The following CSNK1E variants were observed in gnomAD, a reference collection of about 807,000 sequenced individuals.
CSNK1E encodes casein kinase I isoform epsilon.
CSNK1E carries 17 observed loss-of-function variants against 46.1 expected under a neutral mutation model. The observed-to-expected ratio is 0.37, with a 90% CI of 0.25 to 0.55. The LOEUF (loss-of-function observed/expected upper bound fraction) is 0.55, where lower values mean the gene tolerates loss of function less well. Among genes scored for constraint, CSNK1E ranks in the 20% least tolerant of loss-of-function variants. The pLI, the probability that CSNK1E is intolerant of heterozygous loss-of-function variation, is 0.82. For missense variants in CSNK1E, 386 were observed against 595.4 expected (o/e 0.65, Z 3.66); for synonymous variants, 241 against 242.6 (o/e 0.99, Z 0.06).
chr22:38,310,794 C>A (rs1344938622), intron 2 of CSNK1E, among the ~76,000 whole-genome samples: 1 of 152,216 alleles, frequency 6.6e-6, no homozygotes, highest in Non-Finnish European at 1.5e-5. Flanking sequence ...CTCGGGTGAT[C>A]CTGGAAAGCA....
Position 38,303,115 on chromosome 22 carries a change from G to GCCGCCGCCCACCCTGCGCTCA in CSNK1E, c.187+2_187+22dup, listed in dbSNP as rs2092682196. On this transcript the variant is annotated intron_variant, in intron 3 of 10. Transcript: ENST00000396832. This position sits in a 1 kb window ranked among gnomAD's most constrained non-coding sequence, Gnocchi z 4.7. ...GCCCACCGCCACCCACCCGGCGCCC[G>GCCGCCGCCCACCCTGCGCTCA]CCGCCGCCCACCCTGCGCTCACCGC... 6.2e-6 allele frequency: 5 copies of GCCGCCGCCCACCCTGCGCTCA among 812,146 alleles called. No homozygotes were observed. In the Admixed American group the frequency reaches 7.8e-5, roughly 13 times the overall value. 50.3% of individuals were successfully genotyped at this position (812,146 alleles called of 1,614,324 possible).
rs2092627652 is a variant in CSNK1E, at chr22:38,294,255, G to A, written c.1079-7C>T. The A allele has an allele frequency of 6.2e-7, 1 of 1,610,796 alleles. No homozygotes were observed. The highest frequency in any genetic ancestry group is 8.5e-7 in the Non-Finnish European group (1 of 1,179,366). ...GCTCTGGGAGAAGTATTGCCTGGAGGGAGAGTGGGAAGCCACCCTCAGAGT... is the reference window on the plus strand; with the variant it reads ...GCTCTGGGAGAAGTATTGCCTGGAGAGAGAGTGGGAAGCCACCCTCAGAGT... On this transcript the variant is annotated splice_region_variant and splice_polypyrimidine_tract_variant and intron_variant, in intron 8 of 10. Transcript: ENST00000396832. This position sits in a 1 kb window ranked among gnomAD's most constrained non-coding sequence, Gnocchi z 5.5.
chr22:38,297,354 G>A (rs1303325357), intron 7 of CSNK1E, among the ~76,000 whole-genome samples: 1 of 152,206 alleles, frequency 6.6e-6, no homozygotes, highest in Non-Finnish European at 1.5e-5. Flanking sequence ...CAGAGAAGAC[G>A]TCCCCTGCCC....
chr22:38,308,628 C>T (rs1021334069), intron 2 of CSNK1E, among the ~76,000 whole-genome samples: 2 of 152,086 alleles, frequency 1.3e-5, no homozygotes, highest in African/African-American at 4.8e-5. Flanking sequence ...GGCACACAGT[C>T]AATGCTCCAT....
chr22:38,307,090 G>C (rs1006151232), intron 2 of CSNK1E, among the ~76,000 whole-genome samples: 4 of 152,286 alleles, frequency 2.6e-5, no homozygotes, highest in East Asian at 3.9e-4. Context: ...AGGACTGCTT[G>C]AACCTAGTAA....
At position 38,300,011 on chromosome 22, in the gene CSNK1E, T is replaced by G; in HGVS notation, c.620A>C (p.Asn207Thr). The change falls in exon 6 of 11, where the codon AAC (asparagine) becomes ACC (threonine). Residue 207 changes from asparagine to threonine, a missense_variant. By Grantham distance (65) the Asn-to-Thr change is moderately conservative. This residue lies in a region of CSNK1E where 212 missense variants were observed against 410.2 expected (regional missense o/e 0.52). Transcript: ENST00000396832. This position sits in a 1 kb window ranked among gnomAD's most constrained non-coding sequence, Gnocchi z 4.4. ...ESLGYVLMYF[N>T]LGSLPWQGLK... ...CCCCTGCCAGGGCAGGGAGCCCAGGTTGAAGTACATGAGCACGTAGCCCAG... is the reference window on the plus strand; with the variant it reads ...CCCCTGCCAGGGCAGGGAGCCCAGGGTGAAGTACATGAGCACGTAGCCCAG... The G allele has an allele frequency of 1.2e-6, 2 of 1,614,148 alleles. No homozygotes were observed. The highest frequency in any genetic ancestry group is 1.7e-6 in the Non-Finnish European group (2 of 1,180,024).
At position 38,300,647 on chromosome 22, in the gene CSNK1E, G is replaced by T; in HGVS notation, c.565+77C>A. 5 of 1,396,190 alleles carry T rather than the reference G, an allele frequency of 3.6e-6. No individual in the cohort carries two copies. Among genetic ancestry groups the T allele is most frequent in the Middle Eastern group, 2.0e-4 (1 of 5,004 alleles). The allele number at this position is 1,396,190 out of a possible 1,614,324, so 86.5% of individuals were successfully genotyped here. A position where few individuals can be genotyped will look rare whatever the true frequency, so the allele number is the denominator to read the frequency against. The stretch of plus-strand genomic sequence containing the variant: ...AGCCTGGGGGCCTCCATCAGGGTAG[G>T]GGGTGAGAGGGCTCCAGAGAGCTGG... On this transcript the variant is annotated intron_variant, in intron 5 of 10. Transcript: ENST00000396832. The surrounding 1 kb of genome is among the most constrained non-coding windows in gnomAD (Gnocchi z 4.4).
chr22:38,301,591 C>A (rs1463756879), intron 4 of CSNK1E, among the ~76,000 whole-genome samples: 1 of 152,154 alleles, frequency 6.6e-6, no homozygotes, highest in African/African-American at 2.4e-5. Context: ...CGCCACCACA[C>A]CTGGCTAATT....
Position 38,317,327 on chromosome 22 carries a change from C to A in CSNK1E, c.-180G>T. On this transcript the variant is annotated 5_prime_UTR_variant, in exon 1 of 11. Transcript: ENST00000396832. ...CCGCCGCGCTCCGCTCGGCCCCGGC[C>A]GGGCTCTGGCTCTGGGCTCTCGCCG... is the stretch of plus-strand genomic sequence containing the variant. 6.6e-6 allele frequency: 1 copy of A among 150,438 alleles called. No individual in the cohort carries two copies. The highest frequency in any genetic ancestry group is 1.8e-4 in the South Asian group (1 of 5,622). The allele number at this position is 150,438 out of a possible 1,614,324, so 9.3% of individuals were successfully genotyped here.
intron 1 of CSNK1E, 135 bp downstream of exon 1, chr22:38,317,025 C>T (rs1486670042): frequency 6.6e-6 from 1 of 152,198 alleles, no homozygotes; most frequent in Admixed American, 6.5e-5. Flanking sequence ...GGGCTGCCCC[C>T]CCTACACCCC....
chr22:38,311,808 CT>C (rs71296618), intron 2 of CSNK1E, among the ~76,000 whole-genome samples: 589 of 140,192 alleles, frequency 4.2e-3, no homozygotes, highest in Middle Eastern at 7.2e-3. Context: ...TTCTTTCCTT[CT>C]TTTTTTTTTT....
chr22:38,307,727 C>G (rs1282225023), intron 2 of CSNK1E, among the ~76,000 whole-genome samples: 2 of 152,174 alleles, frequency 1.3e-5, no homozygotes, highest in Non-Finnish European at 2.9e-5. Context: ...GACAGGGTCT[C>G]AATCTGCCAC....
At position 38,315,310 on chromosome 22, in the gene CSNK1E, G is replaced by A. The variant is rs551674548; in HGVS notation, c.-12-1141C>T. Among the ~76,000 whole-genome samples, 3 of 152,362 alleles carry A rather than the reference G, an allele frequency of 2.0e-5. No individual in the cohort carries two copies. The South Asian group carries it at 6.2e-4, about 32-fold the overall frequency. ...ACCAGGCCAGCCTGGGAGGGAGATG[G>A]ATTCCAGGGACAGTGGGCAGATCCC... is the stretch of plus-strand genomic sequence containing the variant. On this transcript the variant is annotated intron_variant, in intron 1 of 10. Transcript: ENST00000396832.
At chr22:38,295,225 TC>T (rs1460891616) in intron 7 of CSNK1E, among the ~76,000 whole-genome samples, 8 of 152,040 alleles carry the variant, frequency 5.3e-5, no homozygotes, top group Non-Finnish European at 1.2e-4. Context: ...GGGGCCACGT[TC>T]CCCACGGAGG....
chr22:38,314,295 G>A (rs565960820), intron 1 of CSNK1E, 126 bp from the exon 2 acceptor site: 3 of 633,434 alleles, frequency 4.7e-6, no homozygotes, highest in East Asian at 2.8e-5. Flanking sequence ...ACATTCTGCA[G>A]GTGTCAGGTG....
At chr22:38,316,934 G>A (rs899523956) in intron 1 of CSNK1E, 26 of 151,656 alleles carry the variant, frequency 1.7e-4, no homozygotes, top group African/African-American at 5.8e-4. Context: ...GGCCTCCCCC[G>A]CGAGCCTGCA....
intron 1 of CSNK1E, among the ~76,000 whole-genome samples, chr22:38,314,775 G>T (rs769659516): frequency 6.6e-6 from 1 of 152,160 alleles, no homozygotes; most frequent in Non-Finnish European, 1.5e-5. Flanking sequence ...CAACAAAGGG[G>T]ACTGAGCCAG....
intron 2 of CSNK1E, among the ~76,000 whole-genome samples, chr22:38,306,920 G>T (rs140869282): frequency 4.5e-4 from 68 of 152,330 alleles, no homozygotes; most frequent in African/African-American, 1.6e-3. Flanking sequence ...CACAACTGTA[G>T]TACTACCACT....
chr22:38,293,991 C>T (rs2092625710), intron 9 of CSNK1E, 118 bp downstream of exon 9: 3 of 1,231,144 alleles, frequency 2.4e-6, no homozygotes, highest in Non-Finnish European at 3.4e-6. Context: ...AGAAGGGGTT[C>T]ACTCCAAGGC....
Sources: allele counts gnomAD v4.1 joint callset (sites outside exome capture counted in the v4.1 genomes callset), GRCh38; gene constraint gnomAD v4.1.1; regional missense constraint gnomAD v4.1.1; non-coding constraint Gnocchi (gnomAD v3.1); transcripts MANE v1.5; gene names NCBI Gene and HGNC (gene_info 2026-07-23, HGNC 2026-07-21).